SEMA3E: variants seen among roughly 807,000 people sequenced by gnomAD.
SEMA3E encodes the protein semaphorin-3E.
Under a neutral mutation model 93.6 loss-of-function variants are expected in SEMA3E, and 49 were observed. The ratio of observed to expected loss-of-function variants is 0.52; its 90% CI spans 0.42 to 0.66. The LOEUF is 0.66. SEMA3E is among the 30% of genes least tolerant of loss of function. The pLI is 0.00. For synonymous variants in SEMA3E, 363 were observed against 330.7 expected (o/e 1.10, Z -1.06); for missense variants, 906 against 964.8 (o/e 0.94, Z 0.81).
chr7:83,393,663 C>G, intron 13 of SEMA3E, among the ~76,000 whole-genome samples: 1 of 152,056 alleles, frequency 6.6e-6, no homozygotes, highest in East Asian at 1.9e-4. Flanking sequence ...AGTGGCTGAA[C>G]ATTTAATATA....
intron 1 of SEMA3E, among the ~76,000 whole-genome samples, chr7:83,630,227 A>T (rs1489940713): frequency 6.6e-6 from 1 of 152,126 alleles, no homozygotes; most frequent in Non-Finnish European, 1.5e-5. Context: ...AGCTGTTCCT[A>T]TTTGGCCATC....
chr7:83,536,412 T>A (rs1791411258), intron 1 of SEMA3E, among the ~76,000 whole-genome samples: 1 of 152,124 alleles, frequency 6.6e-6, no homozygotes, highest in African/African-American at 2.4e-5. Context: ...CTATACATTT[T>A]AGGTCTAATA....
chr7:83,371,978 C>T (rs1018474062), intron 16 of SEMA3E: 11 of 298,094 alleles, frequency 3.7e-5, no homozygotes, highest in African/African-American at 2.1e-4. Flanking sequence ...TTTTTCCACA[C>T]AAGTTTCATC....
chr7:83,408,360 A>T lies in SEMA3E; in HGVS notation c.670+8T>A, dbSNP rs768220512. The T allele has an allele frequency of 5.6e-6, 9 of 1,613,570 alleles. No homozygotes were observed. Among genetic ancestry groups the T allele is most frequent in the East Asian group, 2.2e-5 (1 of 44,852 alleles). ...TCCTAATTCACATACTCTTTTCCTC[A>T]TCCTTACCTTTCAACAGACGCTCAT... On this transcript the variant is annotated splice_region_variant and intron_variant, in intron 6 of 16. Transcript: ENST00000643230.
At chr7:83,553,736 A>G (rs1482421240) in intron 1 of SEMA3E, among the ~76,000 whole-genome samples, 2 of 152,060 alleles carry the variant, frequency 1.3e-5, no homozygotes, top group East Asian at 3.9e-4. Context: ...TTCTTTTTAT[A>G]TTTTTGTAAG....
chr7:83,367,664 C>T lies in SEMA3E; in HGVS notation c.2250G>A (p.Lys750=), dbSNP rs771374597. The change falls in exon 17 of 17, where the codon AAG becomes AAA. Residue 750 remains lysine (K), a synonymous_variant. Coordinates refer to ENST00000643230, the MANE Select transcript of SEMA3E (RefSeq NM_012431.3). The stretch of plus-strand genomic sequence containing the variant: ...GCTTCTTTTCCTGAGGGTTGGCATA[C>T]TTCCACTTGGAGGGTGACATTTTAA... ...KKLKMSPSKW[K]YANPQEKKLR... 6.2e-7 allele frequency: 1 copy of T among 1,614,148 alleles called. No individual in the cohort carries two copies. The highest frequency in any genetic ancestry group is 8.5e-7 in the Non-Finnish European group (1 of 1,180,022).
chr7:83,596,897 AG>A (rs1374393603), intron 1 of SEMA3E, among the ~76,000 whole-genome samples: 1 of 152,108 alleles, frequency 6.6e-6, no homozygotes, highest in Non-Finnish European at 1.5e-5. Flanking sequence ...TAACTTCCTA[AG>A]GGCAAGGTTT....
At position 83,408,457 on chromosome 7, in the gene SEMA3E, T is replaced by C; in HGVS notation, c.581A>G (p.Asp194Gly). Residue 194 changes from aspartate (D) to glycine (G), a missense_variant, in exon 6 of 17, where the codon GAC becomes GGC. By Grantham distance (94) the Asp-to-Gly change is moderately conservative (BLOSUM62 -1). Transcript: ENST00000643230. The stretch of plus-strand genomic sequence containing the variant: ...GATCGCAGCGTCTCTGCTCCAGTAG[T>C]CACTGTAGAGTCCAGCAAACAATTC... Reference protein sequence around the residue: ...GSELFAGLYSDYWSRDAAIFR... With the variant: ...GSELFAGLYSGYWSRDAAIFR... 6.2e-7 allele frequency: 1 copy of C among 1,613,724 alleles called. No homozygotes were observed. The highest frequency in any genetic ancestry group is 8.5e-7 in the Non-Finnish European group (1 of 1,179,806).
At chr7:83,428,668 A>C (rs1788820614) in intron 4 of SEMA3E, among the ~76,000 whole-genome samples, 1 of 152,208 alleles carries the variant, frequency 6.6e-6, no homozygotes, top group Non-Finnish European at 1.5e-5. Flanking sequence ...AGCAGAAAAA[A>C]TACAAAACAG....
intron 1 of SEMA3E, among the ~76,000 whole-genome samples, chr7:83,640,500 A>G (rs945830751): frequency 4.6e-5 from 7 of 152,172 alleles, no homozygotes; most frequent in Admixed American, 3.3e-4. Context: ...GCGGAAAAAC[A>G]GGTTGGAGAA....
chr7:83,643,751 A>G (rs894872705), intron 1 of SEMA3E, among the ~76,000 whole-genome samples: 1 of 151,956 alleles, frequency 6.6e-6, no homozygotes, highest in African/African-American at 2.4e-5. Flanking sequence ...TTATCCAGTG[A>G]TATTTTTTAT....
intron 16 of SEMA3E, among the ~76,000 whole-genome samples, chr7:83,382,731 G>T (rs1562754399): frequency 6.6e-6 from 1 of 151,562 alleles, no homozygotes; most frequent in African/African-American, 2.4e-5. Flanking sequence ...GAAGTATCTA[G>T]CAAAGTTGGC....
intron 1 of SEMA3E, among the ~76,000 whole-genome samples, chr7:83,598,052 A>C (rs1266966703): frequency 1.3e-5 from 2 of 152,222 alleles, no homozygotes; most frequent in Non-Finnish European, 2.9e-5. Flanking sequence ...CTGTTGTAAC[A>C]AAGCTTCATA....
rs192114793 is a variant in SEMA3E, at chr7:83,620,117, G to A, written c.115+28311C>T. Among the ~76,000 whole-genome samples, 32 of 151,916 alleles carry A rather than the reference G, an allele frequency of 2.1e-4. No individual in the cohort carries two copies. In the East Asian group the frequency reaches 6.0e-3, roughly 28 times the overall value. On this transcript the variant is annotated intron_variant, in intron 1 of 16. Transcript: ENST00000643230. ...CATTTTATATGGCCTCCATAGCTCAGAATGAATAAAGTGATAGGAATGAGG... is the reference window on the plus strand; with the variant it reads ...CATTTTATATGGCCTCCATAGCTCAAAATGAATAAAGTGATAGGAATGAGG...
chr7:83,611,396 A>G (rs980559461), intron 1 of SEMA3E, among the ~76,000 whole-genome samples: 2 of 144,800 alleles, frequency 1.4e-5, no homozygotes, highest in African/African-American at 5.0e-5. Context: ...TATATTATAT[A>G]TATATATATA....
intron 1 of SEMA3E, among the ~76,000 whole-genome samples, chr7:83,556,714 T>G (rs1791902328): frequency 6.6e-6 from 1 of 152,176 alleles, no homozygotes; most frequent in Admixed American, 6.5e-5. Flanking sequence ...ACAGCTTGAA[T>G]GTTTGTGTCC....
Position 83,418,490 on chromosome 7 carries a change from A to G in SEMA3E, c.457-7T>C. 1.9e-6 allele frequency: 3 copies of G among 1,585,698 alleles called. No individual in the cohort carries two copies. The highest frequency in any genetic ancestry group is 1.7e-4 in the Middle Eastern group (1 of 6,018). On this transcript the variant is annotated splice_polypyrimidine_tract_variant and splice_region_variant and intron_variant, in intron 4 of 16. Coordinates refer to ENST00000643230, the MANE Select transcript of SEMA3E (RefSeq NM_012431.3). ...CCAGGTGAAACAGAGGATCCTTGAA[A>G]GAAAACCAGAAAAATCATTATGAAT...
chr7:83,436,346 G>GAAATAA (rs61453936), intron 4 of SEMA3E, among the ~76,000 whole-genome samples: 111,375 of 150,334 alleles, frequency 0.74, 41,898 homozygotes, highest in East Asian at 1. Flanking sequence ...GAGAAGAATA[G>GAAATAA]AAATAAGAAT....
At chr7:83,511,331 G>C (rs1371650541) in intron 1 of SEMA3E, among the ~76,000 whole-genome samples, 1 of 149,464 alleles carries the variant, frequency 6.7e-6, no homozygotes, top group East Asian at 2.0e-4. Flanking sequence ...AGGATGAAAA[G>C]ATTCAAAGAA....
Sources: allele counts gnomAD v4.1 joint callset (sites outside exome capture counted in the v4.1 genomes callset), GRCh38; gene constraint gnomAD v4.1.1; transcripts MANE v1.5; gene names NCBI Gene and HGNC (gene_info 2026-07-23, HGNC 2026-07-21).